YIPF2: variants seen among roughly 807,000 people sequenced by gnomAD.
YIPF2 encodes protein YIPF2.
YIPF2 carries 30 observed loss-of-function variants against 38.8 expected under a neutral mutation model. The ratio of observed to expected loss-of-function variants is 0.77; its 90% CI spans 0.58 to 1.05. The LOEUF (loss-of-function observed/expected upper bound fraction) is 1.05. Among genes scored for constraint, YIPF2 ranks in the 50% least tolerant of loss-of-function variants. The pLI, the probability that YIPF2 is intolerant of heterozygous loss-of-function variation, is 0.00. For missense variants in YIPF2, 401 were observed against 409.7 expected (o/e 0.98, Z 0.18); for synonymous variants, 194 against 183.8 (o/e 1.06, Z -0.45).
rs368461870 is a variant in YIPF2 at position 10,928,436 on chromosome 19, C to A, written c.-26G>T. 7.5e-7 allele frequency: 1 copy of A among 1,338,478 alleles called. No homozygotes were observed. Among genetic ancestry groups the A allele is most frequent in the African/African-American group, 1.5e-5 (1 of 65,222 alleles). 82.9% of individuals were successfully genotyped at this position (1,338,478 alleles called of 1,614,324 possible). A position where few individuals can be genotyped will look rare whatever the true frequency, so the allele number is the denominator to read the frequency against. ...GGTCGTTCAGGGGCGTCTCCGCATC[C>A]CTCGCTGAGGACAGAGACCGGTCAG... On this transcript the variant is annotated 5_prime_UTR_variant, in exon 2 of 10. Coordinates refer to ENST00000586748, the MANE Select transcript of YIPF2 (RefSeq NM_001321439.2).
In YIPF2 at chr19:10,925,673, C is replaced by T; in HGVS notation, c.367+13G>A. The T allele has an allele frequency of 6.2e-7, 1 of 1,613,894 alleles. No individual in the cohort carries two copies. The highest frequency in any genetic ancestry group is 8.5e-7 in the Non-Finnish European group (1 of 1,179,918). ...GTGATCCATCAAGGAACCAAATGCACAACCTCACTCACCATACAGATCCGG... is the reference window on the plus strand; with the variant it reads ...GTGATCCATCAAGGAACCAAATGCATAACCTCACTCACCATACAGATCCGG... On this transcript the variant is annotated intron_variant, in intron 5 of 9. Transcript: ENST00000586748.
chr19:10,926,833 C>CTATTT (rs915467759), intron 4 of YIPF2, among the ~76,000 whole-genome samples: 1 of 151,272 alleles, frequency 6.6e-6, no homozygotes, highest in South Asian at 2.1e-4. Flanking sequence ...GCTAATTTTT[C>CTATTT]TATTTTATTT....
chr19:10,926,018 C>T (rs190211171), intron 4 of YIPF2, among the ~76,000 whole-genome samples: 67 of 149,676 alleles, frequency 4.5e-4, no homozygotes, highest in African/African-American at 1.5e-3. Context: ...TCAAGCAATT[C>T]TCCTACCTCA....
chr19:10,922,850 G>A lies in YIPF2; in HGVS notation c.*344C>T, dbSNP rs191874989. The A allele has an allele frequency of 3.2e-4, 51 of 157,404 alleles. No individual in the cohort carries two copies. The highest frequency in any genetic ancestry group is 6.7e-4 in the Non-Finnish European group (48 of 71,640). 9.8% of individuals were successfully genotyped at this position (157,404 alleles called of 1,614,324 possible). A position where few individuals can be genotyped will look rare whatever the true frequency, so the allele number is the denominator to read the frequency against. On this transcript the variant is annotated 3_prime_UTR_variant, in exon 10 of 10. Coordinates refer to ENST00000586748, the MANE Select transcript of YIPF2 (RefSeq NM_001321439.2). The stretch of plus-strand genomic sequence containing the variant: ...TCAGATGCTGGAGCTCAGGCCCGCC[G>A]TGTGTGCACCCAGGCAGGAGCGGGC...
chr19:10,923,497 T>TA lies in YIPF2; in HGVS notation c.831dup (p.Lys278Ter). ...CTGTGGCCACCCCAGACCCGTACCT[T>TA]ACAGCCCATGGCCAGGAGGGCGTGG... On this transcript the variant is annotated frameshift_variant, in exon 8 of 10. Coordinates refer to ENST00000586748, the MANE Select transcript of YIPF2 (RefSeq NM_001321439.2). LOFTEE classifies it high-confidence loss of function. 1 of 1,612,852 alleles carries TA rather than the reference T, an allele frequency of 6.2e-7. No homozygotes were observed. The highest frequency in any genetic ancestry group is 8.5e-7 in the Non-Finnish European group (1 of 1,179,658).
At chr19:10,925,224 T>G (rs1296288768) in intron 5 of YIPF2, among the ~76,000 whole-genome samples, 2 of 146,378 alleles carry the variant, frequency 1.4e-5, no homozygotes, top group Admixed American at 1.4e-4. Context: ...AGAGTGAGAC[T>G]CTGTCTCAAA....
Position 10,923,007 on chromosome 19 carries a change from G to A in YIPF2, c.*187C>T, listed in dbSNP as rs182980730. 14 of 299,620 alleles carry A rather than the reference G, an allele frequency of 4.7e-5. No homozygotes were observed. Among genetic ancestry groups the A allele is most frequent in the Non-Finnish European group, 6.7e-5 (11 of 163,084 alleles). The allele number at this position is 299,620 out of a possible 1,614,324, so 18.6% of individuals were successfully genotyped here. Reference sequence around the variant, plus strand: ...AAAGCTCCCTGCTCGGCTGCCCCTCGCCCGCCTTTATATAAATTCTCTGAA... The same window carrying A: ...AAAGCTCCCTGCTCGGCTGCCCCTCACCCGCCTTTATATAAATTCTCTGAA... On this transcript the variant is annotated 3_prime_UTR_variant, in exon 10 of 10. Transcript: ENST00000586748.
chr19:10,927,663 G>A lies in YIPF2; in HGVS notation c.246C>T (p.Tyr82=), dbSNP rs2083447951. The A allele has an allele frequency of 6.2e-7, 1 of 1,613,890 alleles. No individual in the cohort carries two copies. ...TGTCCACGTCAAAGAAGCTCTGATA[G>A]TAGCTGAAGGTCCAGAATCCCGGCT... ...QQQPGFWTFS[Y]YQSFFDVDTS... The change falls in exon 4 of 10, where the codon TAC becomes TAT. Residue 82 remains tyrosine (Y), a synonymous_variant. Transcript: ENST00000586748.
At chr19:10,928,047 G>A (rs2083454727) in intron 2 of YIPF2, 88 bp from the exon 3 acceptor site, 2 of 1,523,792 alleles carry the variant, frequency 1.3e-6, no homozygotes, top group South Asian at 1.2e-5. Flanking sequence ...TCATCTGGGG[G>A]CGGAGGCTCT....
chr19:10,927,560 G>T lies in YIPF2; in HGVS notation c.279+70C>A, dbSNP rs558474175. On this transcript the variant is annotated intron_variant, in intron 4 of 9. Transcript: ENST00000586748. Reference sequence around the variant, plus strand: ...CAGCACCCACCATCACCAGCACCCTGCCCAGGGGAAGAGTGGCTGAACCCT... The same window carrying T: ...CAGCACCCACCATCACCAGCACCCTTCCCAGGGGAAGAGTGGCTGAACCCT... 4 of 1,575,148 alleles carry T rather than the reference G, an allele frequency of 2.5e-6. No individual in the cohort carries two copies. The African/African-American group carries it at 4.0e-5, about 16-fold the overall frequency.
At chr19:10,927,547 T>G (rs866221107) in intron 4 of YIPF2, 83 bp downstream of exon 4, 1 of 1,547,072 alleles carries the variant, frequency 6.5e-7, no homozygotes, top group Non-Finnish European at 8.8e-7. Context: ...GCACCCACCA[T>G]CACCAGCACC....
At position 10,928,505 on chromosome 19, in the gene YIPF2, C is replaced by T. The variant is rs1244330795; in HGVS notation, c.-31+6G>A. ...CCCGAGCCGGTCCCTCGGCCCCCAG[C>T]CCTACCTGGCGACCAACTGCACCCA... On this transcript the variant is annotated splice_donor_region_variant and intron_variant, in intron 1 of 9. Coordinates refer to ENST00000586748, the MANE Select transcript of YIPF2 (RefSeq NM_001321439.2). 18 of 1,341,720 alleles carry T rather than the reference C, an allele frequency of 1.3e-5. No individual in the cohort carries two copies. The highest frequency in any genetic ancestry group is 1.6e-5 in the Non-Finnish European group (17 of 1,040,842). The allele number at this position is 1,341,720 out of a possible 1,614,324, so 83.1% of individuals were successfully genotyped here.
chr19:10,927,936 GAAGATTA>G lies in YIPF2; in HGVS notation c.48_54del (p.Asn17TrpfsTer16). The G allele has an allele frequency of 6.2e-7, 1 of 1,609,320 alleles. No homozygotes were observed. The highest frequency in any genetic ancestry group is 8.5e-7 in the Non-Finnish European group (1 of 1,176,226). On this transcript the variant is annotated frameshift_variant, in exon 3 of 10. Transcript: ENST00000586748. LOFTEE classifies it high-confidence loss of function. Reference sequence around the variant, plus strand: ...GTGGCTGCATCTGGGGTGTCAGCCAGAAGATTAGTGGCCTCCTCGAATTCTGTGGAGG... The same window carrying G: ...GTGGCTGCATCTGGGGTGTCAGCCAGGTGGCCTCCTCGAATTCTGTGGAGG...
At chr19:10,923,719 A>C in intron 7 of YIPF2, 42 bp from the exon 8 acceptor site, 1 of 1,582,066 alleles carries the variant, frequency 6.3e-7, no homozygotes, top group Non-Finnish European at 8.6e-7. Context: ...CAGTCCCCCC[A>C]GCCACCACCC....
chr19:10,922,436 C>T lies in YIPF2; in HGVS notation c.*758G>A. The T allele has an allele frequency of 6.5e-6, 1 of 153,064 alleles. No homozygotes were observed. The highest frequency in any genetic ancestry group is 1.5e-5 in the Non-Finnish European group (1 of 68,332). 9.5% of individuals were successfully genotyped at this position (153,064 alleles called of 1,614,324 possible). On this transcript the variant is annotated 3_prime_UTR_variant, in exon 10 of 10. Transcript: ENST00000586748. The stretch of plus-strand genomic sequence containing the variant: ...CGTCCTCGGCCCCTGCCTCTTGCTG[C>T]TGTCCTGTCCCCGAGCCCCTGCAGG...
chr19:10,923,345 C>T lies in YIPF2; in HGVS notation c.897G>A (p.Leu299=), dbSNP rs1444942442. 15 of 1,613,126 alleles carry T rather than the reference C, an allele frequency of 9.3e-6. No individual in the cohort carries two copies. The East Asian group carries it at 3.1e-4, about 34-fold the overall frequency. ...NVAPPPQITS[L]PSNIALSPTL... is the part of the protein sequence containing the mutation. ...TAGGGGACAGCGCGATGTTTGAGGG[C>T]AGAGATGTGATTTGGGGTGGAGGAG... The change falls in exon 9 of 10, where the codon CTG becomes CTA. Residue 299 remains leucine (L), a synonymous_variant. Coordinates refer to ENST00000586748, the MANE Select transcript of YIPF2 (RefSeq NM_001321439.2).
At chr19:10,925,246 A>C (rs1047851742) in intron 5 of YIPF2, among the ~76,000 whole-genome samples, 40 of 151,844 alleles carry the variant, frequency 2.6e-4, no homozygotes, top group Admixed American at 3.3e-4. Flanking sequence ...AAAAAAAAAA[A>C]AGATCTCTTC....
intron 4 of YIPF2, among the ~76,000 whole-genome samples, chr19:10,927,047 T>A (rs2083436445): frequency 6.6e-6 from 1 of 151,934 alleles, no homozygotes; most frequent in African/African-American, 2.4e-5. Context: ...TTTTGTTGTA[T>A]TTTTAGTAGA....
chr19:10,928,290 T>C, intron 2 of YIPF2, 90 bp downstream of exon 2: 1 of 1,315,220 alleles, frequency 7.6e-7, no homozygotes, highest in Non-Finnish European at 9.8e-7. Context: ...CCGCCTAGGC[T>C]TCGGGGTAGA....
Sources: allele counts gnomAD v4.1 joint callset (sites outside exome capture counted in the v4.1 genomes callset), GRCh38; gene constraint gnomAD v4.1.1; transcripts MANE v1.5; gene names NCBI Gene and HGNC (gene_info 2026-07-23, HGNC 2026-07-21).